Variants in CLEC4F observed in about 807,000 individuals in gnomAD.
CLEC4F encodes the protein C-type lectin domain family 4 member F, also known as C-type (calcium dependent, carbohydrate-recognition domain) lectin, superfamily member 13.
Under a neutral mutation model 53.4 loss-of-function variants are expected in CLEC4F, and 45 were observed. The ratio of observed to expected loss-of-function variants is 0.84; its 90% CI spans 0.66 to 1.08. CLEC4F has a LOEUF of 1.08. Among genes scored for constraint, CLEC4F ranks in the 50% least tolerant of loss-of-function variants. The probability of loss-of-function intolerance (pLI) is 0.00; values close to 1 mark genes in which losing one functional copy is unlikely to be tolerated. For synonymous variants in CLEC4F, 245 were observed against 257.5 expected (o/e 0.95, Z 0.46); for missense variants, 753 against 698.2 (o/e 1.08, Z -0.88).
At chr2:70,814,166 G>T (rs1382964547) in intron 4 of CLEC4F, among the ~76,000 whole-genome samples, 4 of 152,198 alleles carry the variant, frequency 2.6e-5, no homozygotes, top group African/African-American at 9.7e-5. Flanking sequence ...ATTTGGACAG[G>T]TTCACCAGCA....
At chr2:70,819,115 A>G (rs1677081837) in intron 3 of CLEC4F, among the ~76,000 whole-genome samples, 1 of 152,202 alleles carries the variant, frequency 6.6e-6, no homozygotes, top group Non-Finnish European at 1.5e-5. Context: ...CTATGTGATG[A>G]TGATTGTGGT....
intron 5 of CLEC4F, chr2:70,811,429 C>T (rs960497266): frequency 1.6e-6 from 1 of 614,120 alleles, no homozygotes; most frequent in Non-Finnish European, 3.1e-6. Context: ...GCCTTGGTGC[C>T]CTGCCTGTTC....
At position 70,809,123 on chromosome 2, in the gene CLEC4F, C is replaced by T; in HGVS notation, c.*148G>A. On this transcript the variant is annotated 3_prime_UTR_variant, in exon 7 of 7. Coordinates refer to ENST00000272367, the MANE Select transcript of CLEC4F (RefSeq NM_173535.3). ...TATACTGTTAGATGAAGGCAGCATC[C>T]CTTCCTGGTGCTGTGGCTCCTAGGG... 1 of 1,551,242 alleles carries T rather than the reference C, an allele frequency of 6.4e-7. No homozygotes were observed. The highest frequency in any genetic ancestry group is 1.4e-5 in the African/African-American group (1 of 73,196).
Position 70,816,527 on chromosome 2 carries a change from A to T in CLEC4F, c.854T>A (p.Ile285Asn). 1 of 1,614,108 alleles carries T rather than the reference A, an allele frequency of 6.2e-7. No homozygotes were observed. Among genetic ancestry groups the T allele is most frequent in the Non-Finnish European group, 8.5e-7 (1 of 1,180,024 alleles). Reference protein sequence around the residue: ...RNSLEGANAEIQGLKENLQNT... With the variant: ...RNSLEGANAENQGLKENLQNT... ...CTGCAAATTTTCCTTTAGTCCCTGGATCTCAGCATTGGCTCCTTCCAAACT... is the reference window on the plus strand; with the variant it reads ...CTGCAAATTTTCCTTTAGTCCCTGGTTCTCAGCATTGGCTCCTTCCAAACT... Residue 285 changes from isoleucine (I) to asparagine (N), a missense_variant, in exon 4 of 7, where the codon ATC (isoleucine) becomes AAC (asparagine). Ile to Asn is a moderately radical substitution (Grantham distance 149). Transcript: ENST00000272367.
chr2:70,823,651 C>T (rs1405425621), upstream of CLEC4F, among the ~76,000 whole-genome samples: 8 of 152,118 alleles, frequency 5.3e-5, no homozygotes, highest in African/African-American at 1.9e-4. Flanking sequence ...CACCATCTAC[C>T]AGCAGGGCAG....
intron 4 of CLEC4F, among the ~76,000 whole-genome samples, chr2:70,813,740 C>T (rs1040220853): frequency 8.6e-5 from 13 of 151,438 alleles, no homozygotes; most frequent in African/African-American, 2.4e-4. Context: ...TGCAATGGTG[C>T]GATCTTGGCT....
Position 70,816,507 on chromosome 2 carries a change from A to G in CLEC4F, c.874T>C (p.Leu292=), listed in dbSNP as rs1676922093. Residue 292 remains leucine (L), a synonymous_variant, in exon 4 of 7, where the codon TTG becomes CTG. Coordinates refer to ENST00000272367, the MANE Select transcript of CLEC4F (RefSeq NM_173535.3). ...GAGTTTAAAGCATTTGTGTTCTGCAAATTTTCCTTTAGTCCCTGGATCTCA... is the reference window on the plus strand; with the variant it reads ...GAGTTTAAAGCATTTGTGTTCTGCAGATTTTCCTTTAGTCCCTGGATCTCA... ...NAEIQGLKEN[L]QNTNALNSQT... The G allele has an allele frequency of 6.2e-7, 1 of 1,614,122 alleles. No homozygotes were observed. The highest frequency in any genetic ancestry group is 8.5e-7 in the Non-Finnish European group (1 of 1,180,028).
At chr2:70,820,828 T>C (rs1553397835), upstream of CLEC4F, among the ~76,000 whole-genome samples, 1 of 152,148 alleles carries the variant, frequency 6.6e-6, no homozygotes, top group African/African-American at 2.4e-5. Context: ...AACACACCTC[T>C]TCTTCTCTGG....
At chr2:70,823,247 C>T (rs1263883475), upstream of CLEC4F, among the ~76,000 whole-genome samples, 1 of 152,166 alleles carries the variant, frequency 6.6e-6, no homozygotes, top group Non-Finnish European at 1.5e-5. Flanking sequence ...GAGGGCACAG[C>T]AGGAATGAAG....
chr2:70,811,349 A>T (rs782791441), intron 5 of CLEC4F: 20 of 938,174 alleles, frequency 2.1e-5, no homozygotes, highest in Non-Finnish European at 2.9e-5. Flanking sequence ...TCTGTTGAAT[A>T]GACTGTTGAG....
chr2:70,820,189 C>G (rs1574385328), intron 1 of CLEC4F, among the ~76,000 whole-genome samples: 1 of 152,250 alleles, frequency 6.6e-6, no homozygotes, highest in African/African-American at 2.4e-5. Context: ...CAGAACCTGG[C>G]ACAGAGCACA....
chr2:70,809,229 G>A lies in CLEC4F; in HGVS notation c.*42C>T, dbSNP rs201394452. 4 of 1,604,918 alleles carry A rather than the reference G, an allele frequency of 2.5e-6. No homozygotes were observed. The highest frequency in any genetic ancestry group is 3.4e-6 in the Non-Finnish European group (4 of 1,175,952). ...GTGGCCCTAGGATGAGGACAGGGCT[G>A]GGAGAAGGAGTACCCTGAGGGTGTC... On this transcript the variant is annotated 3_prime_UTR_variant, in exon 7 of 7. Coordinates refer to ENST00000272367, the MANE Select transcript of CLEC4F (RefSeq NM_173535.3).
intron 5 of CLEC4F, 41 bp from the exon 6 acceptor site, chr2:70,809,898 G>A: frequency 7.0e-7 from 1 of 1,431,028 alleles, no homozygotes. Flanking sequence ...CTGTGTGTGG[G>A]GAGCCAGTTT....
At chr2:70,812,226 C>T (rs1295261026) in intron 5 of CLEC4F, among the ~76,000 whole-genome samples, 1 of 152,210 alleles carries the variant, frequency 6.6e-6, no homozygotes, top group East Asian at 1.9e-4. Flanking sequence ...GTCTCTTGAC[C>T]TCTGGTGTCT....
At chr2:70,817,865 A>G (rs550123768) in intron 3 of CLEC4F, among the ~76,000 whole-genome samples, 34 of 152,340 alleles carry the variant, frequency 2.2e-4, no homozygotes, top group Admixed American at 1.6e-3. Context: ...TTGAGGATAC[A>G]GGAAACCTGA....
upstream of CLEC4F, among the ~76,000 whole-genome samples, chr2:70,824,041 AG>A (rs58202804): frequency 0.51 from 63,619 of 125,354 alleles, 17,557 homozygotes; most frequent in Non-Finnish European, 0.57. Flanking sequence ...AAAAAAAGAA[AG>A]AAAGAAAGAA....
chr2:70,817,035 C>G lies in CLEC4F; in HGVS notation c.346G>C (p.Ala116Pro), dbSNP rs781787197. 1.2e-6 allele frequency: 2 copies of G among 1,614,004 alleles called. No homozygotes were observed. Among genetic ancestry groups the G allele is most frequent in the African/African-American group, 2.7e-5 (2 of 74,926 alleles). ...AACATCTGGATTTCTACTACCCAGG[C>G]ACTGGAATTCTCCATGTGGCCTTTA... ...TFKGHMENSS[A>P]WVVEIQMLKC... is the part of the protein sequence containing the mutation. The change falls in exon 4 of 7, where the codon GCC (alanine) becomes CCC (proline). Residue 116 changes from alanine (A) to proline (P), a missense_variant. Transcript: ENST00000272367.
intron 5 of CLEC4F, chr2:70,810,850 G>A: frequency 1.8e-6 from 1 of 551,710 alleles, no homozygotes; most frequent in Admixed American, 2.1e-5. Context: ...TTCTAAAATT[G>A]GTACAATCAG....
intron 4 of CLEC4F, among the ~76,000 whole-genome samples, chr2:70,814,838 CAA>C (rs60330725): frequency 5.7e-5 from 8 of 140,924 alleles, no homozygotes; most frequent in African/African-American, 8.0e-5. Flanking sequence ...ACACCCTCAC[CAA>C]AAAAAAAAAA....
Sources: allele counts gnomAD v4.1 joint callset (sites outside exome capture counted in the v4.1 genomes callset), GRCh38; gene constraint gnomAD v4.1.1; transcripts MANE v1.5; gene names NCBI Gene and HGNC (gene_info 2026-07-23, HGNC 2026-07-21).